Variants in ASIC2 observed in about 807,000 individuals in gnomAD.
ASIC2 encodes acid sensing ion channel subunit 2.
In ASIC2, 25 loss-of-function variants were observed where a neutral mutation model predicts 57.3. The ratio of observed to expected loss-of-function variants is 0.44; its 90% CI spans 0.32 to 0.61. ASIC2 has a LOEUF of 0.61. ASIC2 is among the 20% of genes least tolerant of loss of function. ASIC2 has a pLI of 0.06. For missense variants in ASIC2, 641 were observed against 738.1 expected (o/e 0.87, Z 1.52); for synonymous variants, 319 against 307.5 (o/e 1.04, Z -0.39).
chr17:33,048,002 G>A (rs1356489454), intron 3 of ASIC2, among the ~76,000 whole-genome samples: 2 of 152,140 alleles, frequency 1.3e-5, no homozygotes, highest in African/African-American at 4.8e-5. Context: ...ACAATTTTTG[G>A]AGACAGATCC....
intron 1 of ASIC2, among the ~76,000 whole-genome samples, chr17:33,455,104 A>C (rs192755283): frequency 2.6e-5 from 4 of 152,336 alleles, no homozygotes; most frequent in African/African-American, 7.2e-5. Context: ...TTTGTTGTAT[A>C]CAGGTATCCT....
At chr17:33,380,577 T>G (rs528429699) in intron 1 of ASIC2, among the ~76,000 whole-genome samples, 5 of 152,298 alleles carry the variant, frequency 3.3e-5, no homozygotes, top group Admixed American at 6.5e-5. Flanking sequence ...TCTATATTCT[T>G]CTCCTCAGGG....
At chr17:33,909,452 T>C (rs551822295) in intron 1 of ASIC2, among the ~76,000 whole-genome samples, 1 of 152,134 alleles carries the variant, frequency 6.6e-6, no homozygotes, top group Non-Finnish European at 1.5e-5. Context: ...GGTGTTTTAA[T>C]AAGAGAGAAA....
At chr17:33,576,675 T>C (rs576754816) in intron 1 of ASIC2, among the ~76,000 whole-genome samples, 26 of 152,224 alleles carry the variant, frequency 1.7e-4, no homozygotes, top group African/African-American at 5.3e-4. Context: ...CTCATTGCAA[T>C]CCAGTGCTCT....
At chr17:34,103,915 A>C (rs528898399) in intron 1 of ASIC2, among the ~76,000 whole-genome samples, 6 of 152,092 alleles carry the variant, frequency 3.9e-5, no homozygotes, top group Non-Finnish European at 8.8e-5. Flanking sequence ...TTCTTTTTCA[A>C]GATTGTTTAG....
intron 1 of ASIC2, among the ~76,000 whole-genome samples, chr17:33,394,411 A>G (rs750234458): frequency 6.6e-6 from 1 of 152,154 alleles, no homozygotes. Flanking sequence ...TCACCACCAG[A>G]GTTTCAGATT....
intron 1 of ASIC2, among the ~76,000 whole-genome samples, chr17:33,306,929 A>T (rs1056664964): frequency 1.4e-4 from 22 of 152,180 alleles, no homozygotes; most frequent in African/African-American, 4.8e-4. Flanking sequence ...AGCCCCAGGG[A>T]CTACTCAAGA....
intron 1 of ASIC2, among the ~76,000 whole-genome samples, chr17:33,262,731 A>C (rs759534908): frequency 1.3e-5 from 2 of 152,156 alleles, no homozygotes; most frequent in Non-Finnish European, 2.9e-5. Context: ...ATCATCATTA[A>C]ACTAATAAAT....
intron 1 of ASIC2, among the ~76,000 whole-genome samples, chr17:33,323,822 A>G (rs1906963084): frequency 6.6e-6 from 1 of 152,238 alleles, no homozygotes; most frequent in African/African-American, 2.4e-5. Flanking sequence ...GATCTATGCT[A>G]TTATAAGTCA....
chr17:33,099,681 G>A (rs1474642983), intron 2 of ASIC2, among the ~76,000 whole-genome samples: 1 of 152,214 alleles, frequency 6.6e-6, no homozygotes, highest in Non-Finnish European at 1.5e-5. Context: ...GAAGGCTGAT[G>A]ATTCTGGGTG....
At chr17:33,960,321 G>A (rs1019060001) in intron 1 of ASIC2, among the ~76,000 whole-genome samples, 1 of 152,184 alleles carries the variant, frequency 6.6e-6, no homozygotes, top group Non-Finnish European at 1.5e-5. Context: ...ATCTAGATCT[G>A]CCTGGATGCT....
intron 7 of ASIC2, among the ~76,000 whole-genome samples, chr17:33,019,484 T>C (rs1421582898): frequency 6.6e-6 from 1 of 152,084 alleles, no homozygotes; most frequent in East Asian, 1.9e-4. Context: ...CGTGGGTGCA[T>C]GAACCTGTAG....
At chr17:34,017,780 A>G (rs751598128) in intron 1 of ASIC2, among the ~76,000 whole-genome samples, 1 of 152,238 alleles carries the variant, frequency 6.6e-6, no homozygotes, top group Non-Finnish European at 1.5e-5. Context: ...CTTCAGTTCT[A>G]TGACATCTGA....
chr17:33,979,307 C>T (rs539357630), intron 1 of ASIC2, among the ~76,000 whole-genome samples: 50 of 152,236 alleles, frequency 3.3e-4, no homozygotes, highest in African/African-American at 9.9e-4. Flanking sequence ...GCTGCTGCTC[C>T]ATGCCTACCA....
At chr17:33,684,384 A>G (rs192622876) in intron 1 of ASIC2, among the ~76,000 whole-genome samples, 345 of 152,162 alleles carry the variant, frequency 2.3e-3, no homozygotes, top group Non-Finnish European at 4.4e-3. Flanking sequence ...TGCAGAAGAA[A>G]CAACGTTTTA....
At chr17:34,087,739 CTTTTT>C (rs1022000754) in intron 1 of ASIC2, among the ~76,000 whole-genome samples, 2 of 151,788 alleles carry the variant, frequency 1.3e-5, no homozygotes. Context: ...TTGTTCATTT[CTTTTT>C]ATTCTTGTTT....
At chr17:33,923,855 T>C (rs1312518912) in intron 1 of ASIC2, among the ~76,000 whole-genome samples, 1 of 152,126 alleles carries the variant, frequency 6.6e-6, no homozygotes, top group African/African-American at 2.4e-5. Flanking sequence ...TACAGGGAGT[T>C]TGAGTCTTAG....
chr17:33,926,359 G>T (rs1487878728), intron 1 of ASIC2, among the ~76,000 whole-genome samples: 5 of 151,582 alleles, frequency 3.3e-5, no homozygotes, highest in East Asian at 3.9e-4. Flanking sequence ...CTTTTTTTTT[G>T]GGATTTTTGA....
chr17:33,629,523 G>A (rs11657037), intron 1 of ASIC2, among the ~76,000 whole-genome samples: 47,135 of 152,032 alleles, frequency 0.31, 7,472 homozygotes, highest in East Asian at 0.42. Context: ...TGTTGGTTGC[G>A]TTAATACAAG....
Sources: gnomAD v4.1 joint callset for allele counts (sites outside exome capture counted in the v4.1 genomes callset) on GRCh38, gnomAD v4.1.1 for gene constraint, MANE v1.5 for transcripts, NCBI Gene and HGNC (gene_info 2026-07-23, HGNC 2026-07-21) for gene names.